AGRN: variants seen among roughly 807,000 people sequenced by gnomAD.
AGRN encodes agrin proteoglycan.
Under a neutral mutation model 211.0 loss-of-function variants are expected in AGRN, and 106 were observed. The ratio of observed to expected loss-of-function variants is 0.50; its 90% CI spans 0.43 to 0.59. AGRN has a LOEUF of 0.59. AGRN is among the 20% of genes least tolerant of loss of function. The probability of loss-of-function intolerance (pLI) is 0.00; values close to 1 mark genes in which losing one functional copy is unlikely to be tolerated. For synonymous variants in AGRN, 1,525 were observed against 1,332.5 expected (o/e 1.14, Z -3.15); for missense variants, 3,040 against 2,982.6 (o/e 1.02, Z -0.45).
At chr1:1,024,978 C>T (rs1644488342) in intron 2 of AGRN, among the ~76,000 whole-genome samples, 1 of 152,140 alleles carries the variant, frequency 6.6e-6, no homozygotes, top group East Asian at 1.9e-4. Context: ...GCGGGCGACT[C>T]CTCCGGCCCT....
In AGRN at chr1:1,043,214, C is replaced by T. The variant is rs745381447; in HGVS notation, c.1385-25C>T. ...GCAGCGGAGGGGGGGCTTGTGGGAC[C>T]ACTGAGCCCCTGTGTCCTTCCCAGA... On this transcript the variant is annotated intron_variant, in intron 7 of 35. Coordinates refer to ENST00000379370, the MANE Select transcript of AGRN (RefSeq NM_198576.4). The T allele has an allele frequency of 3.0e-5, 46 of 1,542,244 alleles. 1 individual carries two copies. The highest frequency in any genetic ancestry group is 1.1e-4 in the Admixed American group (5 of 47,276).
At chr1:1,047,087 G>A (rs1358944022) in intron 19 of AGRN, 130 bp downstream of exon 19, 35 of 1,447,362 alleles carry the variant, frequency 2.4e-5, no homozygotes, top group South Asian at 5.3e-5. Context: ...AAACATGTGC[G>A]TGCCGGGGAC....
chr1:1,033,592 C>G (rs1387757356), intron 2 of AGRN, among the ~76,000 whole-genome samples: 1 of 148,628 alleles, frequency 6.7e-6, no homozygotes, highest in African/African-American at 2.5e-5. Context: ...GCCCTCGACT[C>G]AATCCCAGTT....
At chr1:1,037,136 A>T (rs1334259975) in intron 3 of AGRN, among the ~76,000 whole-genome samples, 1 of 152,168 alleles carries the variant, frequency 6.6e-6, no homozygotes. Context: ...AGACAGGTCT[A>T]TGCAGGTCTA....
intron 22 of AGRN, 23 bp from the exon 23 acceptor site, chr1:1,047,989 C>G (rs1281791216): frequency 6.4e-7 from 1 of 1,570,762 alleles, no homozygotes; most frequent in African/African-American, 1.4e-5. Flanking sequence ...CCAGGAAACC[C>G]TAACAGCTCC....
intron 33 of AGRN, 130 bp downstream of exon 33, chr1:1,051,945 C>T: frequency 1.9e-6 from 3 of 1,548,812 alleles, no homozygotes; most frequent in Non-Finnish European, 2.6e-6. Flanking sequence ...GCCTCTCTCT[C>T]ACCTCCCGGT....
chr1:1,053,296 T>C lies in AGRN; in HGVS notation c.5652-457T>C, dbSNP rs931197465. 4 of 475,636 alleles carry C rather than the reference T, an allele frequency of 8.4e-6. No individual in the cohort carries two copies. The Admixed American group carries it at 1.6e-4, about 19-fold the overall frequency. 29.5% of individuals were successfully genotyped at this position (475,636 alleles called of 1,614,324 possible). A position where few individuals can be genotyped will look rare whatever the true frequency, so the allele number is the denominator to read the frequency against. On this transcript the variant is annotated intron_variant, in intron 33 of 35. Transcript: ENST00000379370. Reference sequence around the variant, plus strand: ...CACGTGTCTCGTGTCCGCACAAGCATGTGTAGGTGTCCCTGCTGGGCTCTT... The same window carrying C: ...CACGTGTCTCGTGTCCGCACAAGCACGTGTAGGTGTCCCTGCTGGGCTCTT...
rs1004923867 is a variant in AGRN, at chr1:1,032,346, G to A, written c.464-2931G>A. Among the ~76,000 whole-genome samples, 1 of 152,222 alleles carries A rather than the reference G, an allele frequency of 6.6e-6. No homozygotes were observed. Among genetic ancestry groups the A allele is most frequent in the African/African-American group, 2.4e-5 (1 of 41,448 alleles). On this transcript the variant is annotated intron_variant, in intron 2 of 35. Coordinates refer to ENST00000379370, the MANE Select transcript of AGRN (RefSeq NM_198576.4). This position sits in a 1 kb window ranked among gnomAD's most constrained non-coding sequence, Gnocchi z 4.7. ...GGGTGGAAAGGAGTCCCAAGAGAGG[G>A]AGCTGGCAAGACAGGACCTTCCCAG... is the stretch of plus-strand genomic sequence containing the variant.
chr1:1,048,345 G>A lies in AGRN; in HGVS notation c.4085G>A (p.Gly1362Glu). 6.8e-7 allele frequency: 1 copy of A among 1,468,850 alleles called. No homozygotes were observed. Among genetic ancestry groups the A allele is most frequent in the Non-Finnish European group, 9.0e-7 (1 of 1,107,250 alleles). The allele number at this position is 1,468,850 out of a possible 1,614,324, so 91.0% of individuals were successfully genotyped here. The change falls in exon 23 of 36, where the codon GGA becomes GAA. Residue 1362 changes from glycine (G) to glutamate (E), a missense_variant. Gly to Glu is a moderately conservative substitution (Grantham distance 98). Transcript: ENST00000379370. This position sits in a 1 kb window ranked among gnomAD's most constrained non-coding sequence, Gnocchi z 5.9. ...ACCTGCAGCTGCCCGGCAGGCAGGG[G>A]AGGCGCCGTCTGTGAGAAGGGTAAG... is the stretch of plus-strand genomic sequence containing the variant. The part of the protein sequence containing the change: ...GFTCSCPAGR[G>E]GAVCEKVLGA...
In AGRN at chr1:1,048,672, C is replaced by T; in HGVS notation, c.4106-195C>T. On this transcript the variant is annotated intron_variant, in intron 23 of 35. Transcript: ENST00000379370. The surrounding 1 kb of genome is among the most constrained non-coding windows in gnomAD (Gnocchi z 5.9). ...GTAATCCCACCTCGTGAGGCTGAGGCAGGAGAATCGCTTGAACCTGGCAGG... is the reference window on the plus strand; with the variant it reads ...GTAATCCCACCTCGTGAGGCTGAGGTAGGAGAATCGCTTGAACCTGGCAGG... The T allele has an allele frequency of 5.9e-6, 4 of 680,278 alleles. No individual in the cohort carries two copies. Among genetic ancestry groups the T allele is most frequent in the Non-Finnish European group, 9.6e-6 (4 of 418,136 alleles). 42.1% of individuals were successfully genotyped at this position (680,278 alleles called of 1,614,324 possible).
At position 1,046,030 on chromosome 1, in the gene AGRN, C is replaced by G; in HGVS notation, c.2747C>G (p.Ser916Cys). 1 of 1,614,064 alleles carries G rather than the reference C, an allele frequency of 6.2e-7. No individual in the cohort carries two copies. ...CEFGARCVEE[S>C]GSAHCVCPML... ...TTCGGTGCGCGGTGCGTGGAGGAGTCTGGCTCAGCCCACTGTGTCTGCCCG... is the reference window on the plus strand; with the variant it reads ...TTCGGTGCGCGGTGCGTGGAGGAGTGTGGCTCAGCCCACTGTGTCTGCCCG... Residue 916 changes from serine to cysteine, a missense_variant, in exon 16 of 36, where the codon TCT (serine) becomes TGT (cysteine). By Grantham distance (112) the Ser-to-Cys change is moderately radical (BLOSUM62 -1). This residue lies in a region of AGRN where 1,498 missense variants were observed against 1,457.8 expected (regional missense o/e 1.03). Transcript: ENST00000379370.
At position 1,049,459 on chromosome 1, in the gene AGRN, C is replaced by T; in HGVS notation, c.4514+8C>T. On this transcript the variant is annotated splice_region_variant and intron_variant, in intron 25 of 35. Transcript: ENST00000379370. ...CGAGGACCAGGCTGCCGTGTGAGTC[C>T]CTTGGAGGGTGGTGTGGCCCCGACC... 6.2e-7 allele frequency: 1 copy of T among 1,600,314 alleles called. No individual in the cohort carries two copies. Among genetic ancestry groups the T allele is most frequent in the South Asian group, 1.1e-5 (1 of 91,016 alleles).
At position 1,050,516 on chromosome 1, in the gene AGRN, A is replaced by T; in HGVS notation, c.5066A>T (p.Asp1689Val). Residue 1689 changes from aspartate to valine, a missense_variant, in exon 29 of 36, where the codon GAC becomes GTC. Physicochemically the swap from Asp to Val is radical, Grantham distance 152 (BLOSUM62 -3). Around this residue, in one of 3 missense-constraint regions of AGRN, gnomAD observed 1,537 missense variants for 1,505.0 expected, o/e 1.02. Coordinates refer to ENST00000379370, the MANE Select transcript of AGRN (RefSeq NM_198576.4). Reference sequence around the variant, plus strand: ...GGGCAGAAGACGGACGGCAAGGGGGACTTCGTGTCGCTGGCACTGCGGGAC... The same window carrying T: ...GGGCAGAAGACGGACGGCAAGGGGGTCTTCGTGTCGCTGGCACTGCGGGAC... ...YNGQKTDGKG[D>V]FVSLALRDRR... 4 of 1,612,700 alleles carry T rather than the reference A, an allele frequency of 2.5e-6. No homozygotes were observed. Among genetic ancestry groups the T allele is most frequent in the Non-Finnish European group, 3.4e-6 (4 of 1,179,846 alleles).
chr1:1,041,286 G>A lies in AGRN; in HGVS notation c.841G>A (p.Glu281Lys), dbSNP rs989404060. 3.3e-6 allele frequency: 5 copies of A among 1,514,058 alleles called. No homozygotes were observed. The highest frequency in any genetic ancestry group is 5.2e-5 in the East Asian group (2 of 38,526). 93.8% of individuals were successfully genotyped at this position (1,514,058 alleles called of 1,614,324 possible). ...LCPATCRGAP[E>K]GTVCGSDGAD... is the part of the protein sequence containing the mutation. ...CCCCGCGACCTGCCGTGGCGCCCCC[G>A]AGGGGACCGTCTGCGGCAGCGACGG... is the stretch of plus-strand genomic sequence containing the variant. Residue 281 changes from glutamate (E) to lysine (K), a missense_variant, in exon 5 of 36, where the codon GAG (glutamate) becomes AAG (lysine). Glu to Lys is a moderately conservative substitution (Grantham distance 56, BLOSUM62 1). Transcript: ENST00000379370.
Position 1,049,288 on chromosome 1 carries a change from C to T in AGRN, c.4351C>T (p.Pro1451Ser). The change falls in exon 25 of 36, where the codon CCG (proline) becomes TCG (serine). Residue 1451 changes from proline to serine, a missense_variant. Around this residue, in one of 3 missense-constraint regions of AGRN, gnomAD observed 1,537 missense variants for 1,505.0 expected, o/e 1.02. Transcript: ENST00000379370. ...AVLTSAVPVE[P>S]GQWHRLELSR... ...GCTGACCAGTGCCGTGCCGGTAGAG[C>T]CGGGCCAGTGGCACCGCCTGGAGCT... The T allele has an allele frequency of 6.3e-7, 1 of 1,596,418 alleles. No individual in the cohort carries two copies.
In AGRN at chr1:1,047,631, G is replaced by T. The variant is rs200339732; in HGVS notation, c.3575G>T (p.Arg1192Leu). Residue 1192 changes from arginine (R) to leucine (L), a missense_variant, in exon 21 of 36, where the codon CGG (arginine) becomes CTG (leucine). By Grantham distance (102) the Arg-to-Leu change is moderately radical. This residue lies in a region of AGRN where 1,537 missense variants were observed against 1,505.0 expected (regional missense o/e 1.02). Transcript: ENST00000379370. ...VKKDFRSVRL[R>L]DLGPGKSVRA... is the part of the protein sequence containing the mutation. ...AAGGATTTTCGGAGTGTCCGCTTGC[G>T]GGACCTGGGGCCCGGCAAATCCGTC... 1 of 1,613,046 alleles carries T rather than the reference G, an allele frequency of 6.2e-7. No individual in the cohort carries two copies. Among genetic ancestry groups the T allele is most frequent in the South Asian group, 1.1e-5 (1 of 91,088 alleles).
intron 2 of AGRN, chr1:1,034,827 C>A: frequency 1.7e-6 from 1 of 592,592 alleles, no homozygotes; most frequent in Non-Finnish European, 2.2e-6. Context: ...TGGGATGGGT[C>A]ACTCTGCGGA....
At chr1:1,026,988 A>G (rs1644533933) in intron 2 of AGRN, among the ~76,000 whole-genome samples, 2 of 152,274 alleles carry the variant, frequency 1.3e-5, no homozygotes, top group Non-Finnish European at 2.9e-5. Context: ...GCAGGTCTCT[A>G]GCGGAGCCTG....
Position 1,047,756 on chromosome 1 carries a change from CAG to C in AGRN, c.3632-17_3632-16del. 6.2e-7 allele frequency: 1 copy of C among 1,610,236 alleles called. No individual in the cohort carries two copies. Among genetic ancestry groups the C allele is most frequent in the Non-Finnish European group, 8.5e-7 (1 of 1,178,866 alleles). On this transcript the variant is annotated intron_variant, in intron 21 of 35. Transcript: ENST00000379370. ...GGGATGCCTGGGGCTCTGCCATGCTCAGAGCTCCCTCCTCCCCAGCCACAGCC... is the reference window on the plus strand; with the variant it reads ...GGGATGCCTGGGGCTCTGCCATGCTCAGCTCCCTCCTCCCCAGCCACAGCC...
Sources: allele counts gnomAD v4.1 joint callset (sites outside exome capture counted in the v4.1 genomes callset), GRCh38; gene constraint gnomAD v4.1.1; regional missense constraint gnomAD v4.1.1; non-coding constraint Gnocchi (gnomAD v3.1); transcripts MANE v1.5; gene names NCBI Gene and HGNC (gene_info 2026-07-23, HGNC 2026-07-21).